CNOT4: variants seen among roughly 807,000 people sequenced by gnomAD.
The protein encoded by CNOT4 is CCR4-NOT transcription complex subunit 4.
A neutral mutation model predicts 73.8 loss-of-function variants in CNOT4; 8 were observed. The ratio of observed to expected loss-of-function variants is 0.11; its 90% CI spans 0.06 to 0.20. CNOT4 has a LOEUF of 0.20. Ranked by LOEUF, CNOT4 falls within the 10% of genes least tolerant of loss-of-function variation. CNOT4 has a pLI of 1.00. For synonymous variants in CNOT4, 293 were observed against 321.1 expected (o/e 0.91, Z 0.94); for missense variants, 564 against 883.4 (o/e 0.64, Z 4.58).
intron 1 of CNOT4, among the ~76,000 whole-genome samples, chr7:135,479,593 ACT>A (rs1409659965): frequency 2.0e-5 from 3 of 151,904 alleles, no homozygotes; most frequent in Non-Finnish European, 4.4e-5. Flanking sequence ...AAAGAATTTG[ACT>A]CAAAAAAAAG....
At chr7:135,443,735 G>GT (rs1359891634) in intron 1 of CNOT4, among the ~76,000 whole-genome samples, 1 of 152,184 alleles carries the variant, frequency 6.6e-6, no homozygotes, top group African/African-American at 2.4e-5. Flanking sequence ...ATACCATGTA[G>GT]TAAGTACACA....
intron 1 of CNOT4, among the ~76,000 whole-genome samples, chr7:135,458,353 C>G (rs1188425711): frequency 6.6e-6 from 1 of 152,046 alleles, no homozygotes; most frequent in Non-Finnish European, 1.5e-5. Context: ...AGTCTTTTTG[C>G]TGGTGGAGGG....
At chr7:135,421,405 T>C (rs953813840) in intron 3 of CNOT4, among the ~76,000 whole-genome samples, 1 of 152,148 alleles carries the variant, frequency 6.6e-6, no homozygotes, top group African/African-American at 2.4e-5. Context: ...ACACTCTGCC[T>C]GTCGATCAGC....
chr7:135,505,687 T>C (rs1804323243), intron 1 of CNOT4, among the ~76,000 whole-genome samples: 1 of 152,218 alleles, frequency 6.6e-6, no homozygotes, highest in Non-Finnish European at 1.5e-5. Flanking sequence ...ATCTTCTTTT[T>C]AGTAGCTTAT....
At chr7:135,438,474 G>A (rs1799286786) in intron 1 of CNOT4, 51 bp from the exon 2 acceptor site, 2 of 558,314 alleles carry the variant, frequency 3.6e-6, no homozygotes, top group South Asian at 9.7e-5. Flanking sequence ...AAATGGCACA[G>A]TCAACAATTA....
intron 7 of CNOT4, among the ~76,000 whole-genome samples, chr7:135,401,883 T>C (rs1437052769): frequency 6.6e-6 from 1 of 152,116 alleles, no homozygotes; most frequent in Non-Finnish European, 1.5e-5. Flanking sequence ...AGTCCATAAA[T>C]ACCATGCAGT....
intron 10 of CNOT4, among the ~76,000 whole-genome samples, chr7:135,389,157 C>CAAAAAAAAAAAAAAAAAAAAAAAAAAAA (rs11292254): frequency 1.2e-5 from 1 of 83,670 alleles, no homozygotes. Context: ...AACATACTAC[C>CAAAAAAAAAAAAAAAAAAAAAAAAAAAA]AAAAAAAAAA....
intron 2 of CNOT4, among the ~76,000 whole-genome samples, chr7:135,432,607 T>A (rs2129485067): frequency 6.6e-6 from 1 of 152,350 alleles, no homozygotes; most frequent in South Asian, 2.1e-4. Context: ...ACAGCTGTCA[T>A]CCTTTCCCCA....
chr7:135,463,519 G>A (rs1223980486), intron 1 of CNOT4, among the ~76,000 whole-genome samples: 1 of 143,824 alleles, frequency 7.0e-6, no homozygotes, highest in African/African-American at 2.6e-5. Context: ...CCTGGGGGAC[G>A]ACAGTGAGAC....
intron 1 of CNOT4, among the ~76,000 whole-genome samples, chr7:135,465,372 T>C (rs1055991950): frequency 5.9e-5 from 9 of 152,188 alleles, no homozygotes; most frequent in Admixed American, 3.9e-4. Flanking sequence ...ATGGCAGAGA[T>C]CAGTAATTTA....
At chr7:135,432,557 T>G (rs550246608) in intron 2 of CNOT4, among the ~76,000 whole-genome samples, 1 of 152,200 alleles carries the variant, frequency 6.6e-6, no homozygotes. Flanking sequence ...AGTTCTCTGA[T>G]GTGTTGCATT....
At chr7:135,394,620 T>A (rs1483784790) in intron 9 of CNOT4, among the ~76,000 whole-genome samples, 2 of 152,134 alleles carry the variant, frequency 1.3e-5, no homozygotes, top group African/African-American at 4.8e-5. Context: ...AGCTACTAGC[T>A]TCAAAAACTG....
Position 135,438,400 on chromosome 7 carries a change from G to T in CNOT4, c.-69C>A. 1 of 1,341,228 alleles carries T rather than the reference G, an allele frequency of 7.5e-7. No homozygotes were observed. Among genetic ancestry groups the T allele is most frequent in the Non-Finnish European group, 1.0e-6 (1 of 997,196 alleles). 83.1% of individuals were successfully genotyped at this position (1,341,228 alleles called of 1,614,324 possible). A position where few individuals can be genotyped will look rare whatever the true frequency, so the allele number is the denominator to read the frequency against. On this transcript the variant is annotated 5_prime_UTR_variant, in exon 2 of 12. Transcript: ENST00000541284. ...GGGAGAAGGAAGTTCAGCACTGAAA[G>T]CTAAAATGTAGGACTTTGACGACCT...
rs184667846 is a variant in CNOT4 at position 135,498,699 on chromosome 7, C to T, written c.-93+11190G>A. On this transcript the variant is annotated intron_variant, in intron 1 of 11. Coordinates refer to ENST00000541284, the MANE Select transcript of CNOT4 (RefSeq NM_001190850.2). Reference sequence around the variant, plus strand: ...GAGTAGCTGGGATTACAGGCACATGCCACCATGCCCGGCTAATTTTTCTAT... The same window carrying T: ...GAGTAGCTGGGATTACAGGCACATGTCACCATGCCCGGCTAATTTTTCTAT... Among the ~76,000 whole-genome samples the T allele has an allele frequency of 3.2e-3, 493 of 152,246 alleles. 1 individual carries two copies. The highest frequency in any genetic ancestry group is 0.01 in the Middle Eastern group (3 of 294).
chr7:135,376,972 T>TA (rs1795554439), intron 10 of CNOT4, among the ~76,000 whole-genome samples: 1 of 152,156 alleles, frequency 6.6e-6, no homozygotes, highest in South Asian at 2.1e-4. Flanking sequence ...CATTATTTTA[T>TA]AAAACTAAAT....
At chr7:135,468,412 G>A (rs1801360674) in intron 1 of CNOT4, among the ~76,000 whole-genome samples, 1 of 152,108 alleles carries the variant, frequency 6.6e-6, no homozygotes, top group South Asian at 2.1e-4. Context: ...TGGGCGTGGT[G>A]GCTCACACCT....
At chr7:135,444,291 G>A (rs77304466) in intron 1 of CNOT4, among the ~76,000 whole-genome samples, 12,014 of 152,060 alleles carry the variant, frequency 0.079, 652 homozygotes, top group Non-Finnish European at 0.12. Context: ...AGAACTGAAA[G>A]GACTTGAACA....
intron 7 of CNOT4, 84 bp downstream of exon 7, chr7:135,410,431 T>C: frequency 2.2e-6 from 2 of 911,040 alleles, no homozygotes; most frequent in Non-Finnish European, 3.1e-6. Context: ...TCAACAAGGA[T>C]TTTGCCTGAA....
intron 5 of CNOT4, among the ~76,000 whole-genome samples, chr7:135,413,960 C>T (rs78798641): frequency 0.037 from 5,678 of 152,080 alleles, 333 homozygotes; most frequent in African/African-American, 0.12. Flanking sequence ...ATGCCATCCT[C>T]CTTCCACTAA....
Sources: gnomAD v4.1 joint callset for allele counts (sites outside exome capture counted in the v4.1 genomes callset) on GRCh38, gnomAD v4.1.1 for gene constraint, MANE v1.5 for transcripts, NCBI Gene and HGNC (gene_info 2026-07-23, HGNC 2026-07-21) for gene names.